DNHD1: variants seen among roughly 807,000 people sequenced by gnomAD.
DNHD1 encodes dynein heavy chain domain-containing protein 1.
In DNHD1, 383 loss-of-function variants were observed where a neutral mutation model predicts 458.1. The ratio of observed to expected loss-of-function variants is 0.84; its 90% CI spans 0.77 to 0.91. The LOEUF (loss-of-function observed/expected upper bound fraction) is 0.91. Among genes scored for constraint, DNHD1 ranks in the 40% least tolerant of loss-of-function variants. DNHD1 has a pLI of 0.00. For missense variants in DNHD1, 5,336 were observed against 5,866.1 expected, an observed-to-expected ratio of 0.91 and a Z score of 2.95; for synonymous variants, 2,203 against 2,376.9, an observed-to-expected ratio of 0.93 and a Z score of 2.13.
In DNHD1 at chr11:6,509,049, T is replaced by A; in HGVS notation, c.1090T>A (p.Phe364Ile). ...GCAGCAGCTCCAGTTCATTCCATTCTTTAAGTATTGCCTCTTACGCAAGTC... is the reference window on the plus strand; with the variant it reads ...GCAGCAGCTCCAGTTCATTCCATTCATTAAGTATTGCCTCTTACGCAAGTC... ...LWQQLQFIPF[F>I]KYCLLRKSFT... Residue 364 changes from phenylalanine (F) to isoleucine (I), a missense_variant, in exon 5 of 43, where the codon TTT becomes ATT. Phe to Ile is a conservative substitution (Grantham distance 21). This residue lies in a region of DNHD1 where 3,932 missense variants were observed against 4,365.6 expected (regional missense o/e 0.90). Transcript: ENST00000254579. 1 of 1,614,206 alleles carries A rather than the reference T, an allele frequency of 6.2e-7. No homozygotes were observed. Among genetic ancestry groups the A allele is most frequent in the Non-Finnish European group, 8.5e-7 (1 of 1,180,006 alleles).
chr11:6,534,997 A>G (rs1030641974), intron 14 of DNHD1, among the ~76,000 whole-genome samples: 3 of 152,180 alleles, frequency 2.0e-5, no homozygotes, highest in African/African-American at 7.2e-5. Flanking sequence ...TCCTTCTGCC[A>G]CAGCCTCCCA....
At chr11:6,549,771 T>G (rs1342613011) in intron 24 of DNHD1, among the ~76,000 whole-genome samples, 1 of 152,242 alleles carries the variant, frequency 6.6e-6, no homozygotes, top group Non-Finnish European at 1.5e-5. Flanking sequence ...AACAGAAATT[T>G]GTCTCATTCA....
Position 6,559,227 on chromosome 11 carries a change from G to A in DNHD1, c.9463G>A (p.Gly3155Ser), listed in dbSNP as rs189381995. 970 of 1,551,624 alleles carry A rather than the reference G, an allele frequency of 6.3e-4. 5 individuals carry two copies. In the African/African-American group the frequency reaches 0.011, roughly 17 times the overall value. ...TCTGAGAATGCTGATTAAGGAGCAC[G>A]GTACCCATGCCAATCTGATCTTTGA... The part of the protein sequence containing the change: ...ENLRMLIKEH[G>S]THANLIFDLE... Residue 3155 changes from glycine to serine, a missense_variant, in exon 28 of 43, where the codon GGT becomes AGT. This residue lies in a region of DNHD1 where 3,932 missense variants were observed against 4,365.6 expected (regional missense o/e 0.90). Coordinates refer to ENST00000254579, the MANE Select transcript of DNHD1 (RefSeq NM_144666.3).
chr11:6,570,135 C>T (rs767851198), intron 40 of DNHD1, 35 bp downstream of exon 40: 8 of 1,613,374 alleles, frequency 5.0e-6, no homozygotes, highest in Non-Finnish European at 5.9e-6. Flanking sequence ...GAGTCATCAG[C>T]CCCCAGGAGA....
intron 3 of DNHD1, 131 bp downstream of exon 3, chr11:6,499,092 A>G: frequency 9.5e-7 from 1 of 1,056,096 alleles, no homozygotes; most frequent in African/African-American, 1.6e-5. Context: ...ACTCCACACA[A>G]AGCTAGTGTG....
intron 21 of DNHD1, 79 bp downstream of exon 21, chr11:6,547,745 G>A: frequency 6.8e-7 from 1 of 1,476,686 alleles, no homozygotes; most frequent in Non-Finnish European, 9.1e-7. Flanking sequence ...CCTGGGGCGT[G>A]TGTTCTTTGG....
chr11:6,571,822 G>T lies in DNHD1; in HGVS notation c.14098G>T (p.Ala4700Ser), dbSNP rs1295490160. Residue 4700 changes from alanine to serine, a missense_variant, in exon 43 of 43, where the codon GCC (alanine) becomes TCC (serine). By Grantham distance (99) the Ala-to-Ser change is moderately conservative (BLOSUM62 1). Coordinates refer to ENST00000254579, the MANE Select transcript of DNHD1 (RefSeq NM_144666.3). The surrounding 1 kb of genome is among the most constrained non-coding windows in gnomAD (Gnocchi z 5.0). ...APGTSDLPAP[A>S]DLTVYSCPVY... ...GGGCACCAGTGACCTGCCAGCCCCA[G>T]CCGACCTGACTGTGTACTCGTGTCC... is the stretch of plus-strand genomic sequence containing the variant. 6.2e-7 allele frequency: 1 copy of T among 1,613,976 alleles called. No homozygotes were observed. Among genetic ancestry groups the T allele is most frequent in the Non-Finnish European group, 8.5e-7 (1 of 1,179,896 alleles).
At chr11:6,537,865 A>G (rs1852991783) in intron 14 of DNHD1, among the ~76,000 whole-genome samples, 1 of 152,162 alleles carries the variant, frequency 6.6e-6, no homozygotes, top group African/African-American at 2.4e-5. Context: ...CGGGAGGCAG[A>G]GGTTGCAGTG....
rs114474687 is a variant in DNHD1 at position 6,549,205 on chromosome 11, G to T, written c.7387+272G>T. Among the ~76,000 whole-genome samples the T allele has an allele frequency of 7.9e-3, 1,197 of 152,158 alleles. 12 individuals carry two copies. The highest frequency in any genetic ancestry group is 0.027 in the African/African-American group (1,123 of 41,492). On this transcript the variant is annotated intron_variant, in intron 24 of 42. Coordinates refer to ENST00000254579, the MANE Select transcript of DNHD1 (RefSeq NM_144666.3). The stretch of plus-strand genomic sequence containing the variant: ...GCTGTCTACTGTACGTCTCCACCTT[G>T]TTGTCCTGTTGGTACCTCAGACCCA...
At chr11:6,540,858 T>C (rs1853084647) in intron 18 of DNHD1, among the ~76,000 whole-genome samples, 1 of 152,252 alleles carries the variant, frequency 6.6e-6, no homozygotes, top group Non-Finnish European at 1.5e-5. Flanking sequence ...AAAAAACTAA[T>C]GATGCATACA....
At position 6,547,083 on chromosome 11, in the gene DNHD1, C is replaced by A; in HGVS notation, c.6144C>A (p.Ser2048=). 3 of 1,551,750 alleles carry A rather than the reference C, an allele frequency of 1.9e-6. No homozygotes were observed. Among genetic ancestry groups the A allele is most frequent in the Non-Finnish European group, 2.6e-6 (3 of 1,147,008 alleles). The change falls in exon 21 of 43, where the codon TCC becomes TCA. Residue 2048 remains serine (S), a synonymous_variant. Coordinates refer to ENST00000254579, the MANE Select transcript of DNHD1 (RefSeq NM_144666.3). The stretch of plus-strand genomic sequence containing the variant: ...AGTTCCTGGGATGGCTAGAGGGCTC[C>A]TGCTGGCATCATGGCATCTTTCCCA... ...PQEFLGWLEG[S]CWHHGIFPKV...
At chr11:6,511,187 T>G (rs1028042208) in intron 6 of DNHD1, 86 bp from the exon 7 acceptor site, 18 of 1,523,784 alleles carry the variant, frequency 1.2e-5, no homozygotes, top group Non-Finnish European at 1.6e-5. Flanking sequence ...TTGTGCAGTC[T>G]GAGGTAAGCT....
Position 6,567,468 on chromosome 11 carries a change from T to A in DNHD1, c.11959T>A (p.Trp3987Arg), listed in dbSNP as rs969953526. 6.2e-7 allele frequency: 1 copy of A among 1,612,934 alleles called. No individual in the cohort carries two copies. The highest frequency in any genetic ancestry group is 8.5e-7 in the Non-Finnish European group (1 of 1,179,430). ...ACCGGCCTGGCTTGGGCCAAAAGCC[T>A]GGCATGAATGTGAGATGTTAGAGCT... is the stretch of plus-strand genomic sequence containing the variant. ...ARPAWLGPKA[W>R]HECEMLELLP... The change falls in exon 36 of 43, where the codon TGG becomes AGG. Residue 3987 changes from tryptophan (W) to arginine (R), a missense_variant. By Grantham distance (101) the Trp-to-Arg change is moderately radical (BLOSUM62 -3). Around this residue, in one of 4 missense-constraint regions of DNHD1, gnomAD observed 695 missense variants for 804.2 expected, o/e 0.86. Transcript: ENST00000254579.
At position 6,545,830 on chromosome 11, in the gene DNHD1, C is replaced by A. The variant is rs1394910114; in HGVS notation, c.4891C>A (p.Pro1631Thr). The change falls in exon 21 of 43, where the codon CCC (proline) becomes ACC (threonine). Residue 1631 changes from proline to threonine, a missense_variant. Coordinates refer to ENST00000254579, the MANE Select transcript of DNHD1 (RefSeq NM_144666.3). This position sits in a 1 kb window ranked among gnomAD's most constrained non-coding sequence, Gnocchi z 4.9. ...QSLKTIASSEPSLSPAACWID... is the reference protein window; with the variant it reads ...QSLKTIASSETSLSPAACWID... ...TCTTAAGACTATTGCATCTTCTGAA[C>A]CCTCTCTGTCACCAGCGGCATGCTG... is the stretch of plus-strand genomic sequence containing the variant. The A allele has an allele frequency of 6.4e-7, 1 of 1,551,908 alleles. No homozygotes were observed. The highest frequency in any genetic ancestry group is 8.7e-7 in the Non-Finnish European group (1 of 1,147,024).
chr11:6,530,752 T>C (rs1324353674), intron 12 of DNHD1, among the ~76,000 whole-genome samples: 1 of 152,182 alleles, frequency 6.6e-6, no homozygotes, highest in Non-Finnish European at 1.5e-5. Flanking sequence ...TACAGGGGGT[T>C]CAGGCGGGCA....
chr11:6,570,518 T>C, intron 41 of DNHD1, 100 bp from the exon 42 acceptor site: 3 of 1,481,458 alleles, frequency 2.0e-6, no homozygotes, highest in East Asian at 2.5e-5. Flanking sequence ...CATACTGTTA[T>C]GGGGGTGATG....
intron 7 of DNHD1, among the ~76,000 whole-genome samples, chr11:6,512,265 G>GGCTAGAGT (rs1852354962): frequency 7.8e-6 from 1 of 127,492 alleles, no homozygotes; most frequent in Middle Eastern, 5.6e-3. Context: ...CTGTCACCCA[G>GGCTAGAGT]GCTGGAGTGC....
chr11:6,521,553 G>C (rs1314994124), intron 10 of DNHD1, among the ~76,000 whole-genome samples: 2 of 152,096 alleles, frequency 1.3e-5, no homozygotes, highest in Non-Finnish European at 2.9e-5. Context: ...GGAATGAAAA[G>C]ATAGAAGGAA....
In DNHD1 at chr11:6,563,552, G is replaced by A. The variant is rs1853627624; in HGVS notation, c.9840G>A (p.Glu3280=). The change falls in exon 30 of 43, where the codon GAG becomes GAA. Residue 3280 remains glutamate (E), a synonymous_variant. Transcript: ENST00000254579. ...GTGCCAAACAGCTGTTATGCACTGA[G>A]GATTTTTATCAGGTAGGAAGGGTGG... ...WASAKQLLCT[E]DFYQELVFFP... The A allele has an allele frequency of 6.4e-7, 1 of 1,551,512 alleles. No individual in the cohort carries two copies. Among genetic ancestry groups the A allele is most frequent in the South Asian group, 1.2e-5 (1 of 84,074 alleles).
Sources: gnomAD v4.1 joint callset for allele counts (sites outside exome capture counted in the v4.1 genomes callset) on GRCh38, gnomAD v4.1.1 for gene constraint, gnomAD v4.1.1 regional missense constraint, Gnocchi (gnomAD v3.1) non-coding constraint, MANE v1.5 for transcripts, NCBI Gene and HGNC (gene_info 2026-07-23, HGNC 2026-07-21) for gene names.